EXT1: variants seen among roughly 807,000 people sequenced by gnomAD.
EXT1 encodes exostosin-1.
EXT1 carries 20 observed loss-of-function variants against 82.5 expected under a neutral mutation model. The observed-to-expected ratio is 0.24, with a 90% confidence interval of 0.17 to 0.35. The LOEUF is 0.35. Among genes scored for constraint, EXT1 ranks in the 10% least tolerant of loss-of-function variants. The probability of loss-of-function intolerance (pLI) is 1.00; values close to 1 mark genes in which losing one functional copy is unlikely to be tolerated. For synonymous variants in EXT1, 348 were observed against 350.8 expected, an observed-to-expected ratio of 0.99 and a Z score of 0.09; for missense variants, 757 against 936.5, an observed-to-expected ratio of 0.81 and a Z score of 2.50.
chr8:117,863,552 T>C (rs922597835), intron 1 of EXT1, among the ~76,000 whole-genome samples: 12 of 152,188 alleles, frequency 7.9e-5, no homozygotes, highest in Non-Finnish European at 1.6e-4. Context: ...ATTTATCATA[T>C]GTCCTGATAA....
chr8:118,072,696 T>C (rs1817118834), intron 1 of EXT1, among the ~76,000 whole-genome samples: 1 of 152,232 alleles, frequency 6.6e-6, no homozygotes, highest in South Asian at 2.1e-4. Flanking sequence ...AACTTAATCA[T>C]ACCAACATCT....
chr8:118,030,372 T>C (rs959645293), intron 1 of EXT1, among the ~76,000 whole-genome samples: 7 of 152,196 alleles, frequency 4.6e-5, no homozygotes, highest in Non-Finnish European at 1.0e-4. Context: ...GAAAAGTGCG[T>C]ACACCATATA....
At chr8:117,847,814 C>A (rs1812387122) in intron 1 of EXT1, among the ~76,000 whole-genome samples, 1 of 152,224 alleles carries the variant, frequency 6.6e-6, no homozygotes, top group African/African-American at 2.4e-5. Context: ...TGTGCAGAGT[C>A]TGTCCCGTGA....
intron 1 of EXT1, among the ~76,000 whole-genome samples, chr8:117,926,643 A>G (rs1240796623): frequency 6.6e-6 from 1 of 152,210 alleles, no homozygotes; most frequent in African/African-American, 2.4e-5. Flanking sequence ...AACTGGAAGG[A>G]GAGAGGGGTC....
At chr8:118,057,553 A>AAAAAAG (rs1183530516) in intron 1 of EXT1, among the ~76,000 whole-genome samples, 5 of 152,096 alleles carry the variant, frequency 3.3e-5, no homozygotes, top group Admixed American at 6.6e-5. Flanking sequence ...TTAATTTAAA[A>AAAAAAG]AAAAAGAAAA....
At chr8:118,039,807 A>T (rs1249282622) in intron 1 of EXT1, among the ~76,000 whole-genome samples, 2 of 152,198 alleles carry the variant, frequency 1.3e-5, no homozygotes, top group East Asian at 3.9e-4. Context: ...CTGACTGAGC[A>T]GGCCTGATGA....
chr8:117,984,899 C>G (rs1031906820), intron 1 of EXT1, among the ~76,000 whole-genome samples: 5 of 152,104 alleles, frequency 3.3e-5, no homozygotes, highest in Admixed American at 2.6e-4. Flanking sequence ...ACCCGAAAAG[C>G]TTGGAACCAG....
chr8:118,005,654 A>G (rs1164411435), intron 1 of EXT1, among the ~76,000 whole-genome samples: 1 of 152,246 alleles, frequency 6.6e-6, no homozygotes, highest in Admixed American at 6.5e-5. Context: ...AAACTGGCAG[A>G]CTGGCTACAA....
At chr8:117,858,753 G>GC (rs1449487504) in intron 1 of EXT1, among the ~76,000 whole-genome samples, 26 of 111,220 alleles carry the variant, frequency 2.3e-4, no homozygotes, top group Non-Finnish European at 3.9e-4. Context: ...AGGAAGGAAG[G>GC]AAGGAAGGAA....
intron 1 of EXT1, among the ~76,000 whole-genome samples, chr8:117,980,698 GTTTTTTTTTTTTTTTTTT>G (rs1330631748): frequency 0.1 from 4,561 of 43,866 alleles, 277 homozygotes; most frequent in African/African-American, 0.38. Context: ...GGTGTTGGTG[GTTTTTTTTTTTTTTTTTT>G]TTTTTTTTTT....
intron 1 of EXT1, among the ~76,000 whole-genome samples, chr8:117,979,037 A>C (rs1239063402): frequency 1.3e-5 from 2 of 152,088 alleles, no homozygotes; most frequent in Non-Finnish European, 2.9e-5. Flanking sequence ...CCCCAAGAAG[A>C]AGATGTTACT....
At chr8:117,909,082 AG>A (rs1276137163) in intron 1 of EXT1, among the ~76,000 whole-genome samples, 1 of 151,966 alleles carries the variant, frequency 6.6e-6, no homozygotes, top group Admixed American at 6.6e-5. Flanking sequence ...AAGTGAACCG[AG>A]ATCGGGCCGT....
At chr8:117,837,058 T>C (rs1292386462) in intron 2 of EXT1, 50 bp downstream of exon 2, 1 of 1,334,818 alleles carries the variant, frequency 7.5e-7, no homozygotes, top group South Asian at 1.2e-5. Context: ...ACCCACTTAA[T>C]CTGGCTTCGG....
chr8:117,985,591 A>G (rs778300547), intron 1 of EXT1, among the ~76,000 whole-genome samples: 1 of 152,182 alleles, frequency 6.6e-6, no homozygotes, highest in Non-Finnish European at 1.5e-5. Flanking sequence ...CAAGAGATGA[A>G]GAACTGGGAG....
intron 7 of EXT1, among the ~76,000 whole-genome samples, chr8:117,815,503 G>C (rs1452787487): frequency 6.6e-6 from 1 of 152,138 alleles, no homozygotes; most frequent in African/African-American, 2.4e-5. Context: ...CATTGCCTCA[G>C]CGACCTTCTT....
intron 1 of EXT1, among the ~76,000 whole-genome samples, chr8:117,840,754 T>G (rs1812262980): frequency 6.6e-6 from 1 of 152,140 alleles, no homozygotes; most frequent in Non-Finnish European, 1.5e-5. Context: ...GGCTAAGGAT[T>G]TGAATAAACA....
chr8:117,930,967 G>A (rs1167085134), intron 1 of EXT1, among the ~76,000 whole-genome samples: 1 of 152,060 alleles, frequency 6.6e-6, no homozygotes, highest in Non-Finnish European at 1.5e-5. Context: ...TTCCACCAAT[G>A]CCATGACAGT....
chr8:117,973,368 T>C (rs1814980141), intron 1 of EXT1, among the ~76,000 whole-genome samples: 1 of 152,202 alleles, frequency 6.6e-6, no homozygotes, highest in African/African-American at 2.4e-5. Flanking sequence ...TGGGAATATA[T>C]AATCTGTGTG....
At chr8:117,993,812 C>T (rs895426678) in intron 1 of EXT1, among the ~76,000 whole-genome samples, 3 of 152,148 alleles carry the variant, frequency 2.0e-5, no homozygotes, top group Admixed American at 6.6e-5. Flanking sequence ...GGTTATCTTG[C>T]GGAGAATACT....
Sources: gnomAD v4.1 joint callset for allele counts (sites outside exome capture counted in the v4.1 genomes callset) on GRCh38, gnomAD v4.1.1 for gene constraint, MANE v1.5 for transcripts, NCBI Gene and HGNC (gene_info 2026-07-23, HGNC 2026-07-21) for gene names.